The following FBXW8 variants were observed in gnomAD, a reference collection of about 807,000 sequenced individuals.
FBXW8 encodes the protein F-box and WD repeat domain containing 8.
In FBXW8, 57 loss-of-function variants were observed where a neutral mutation model predicts 65.3. The observed-to-expected ratio is 0.87, with a 90% CI of 0.71 to 1.09. The LOEUF is 1.09. FBXW8 is among the 50% of genes least tolerant of loss of function. The pLI, the probability that FBXW8 is intolerant of heterozygous loss-of-function variation, is 0.00. For synonymous variants in FBXW8, 308 were observed against 330.2 expected (o/e 0.93, Z 0.73); for missense variants, 777 against 814.8 (o/e 0.95, Z 0.57).
At chr12:116,969,269 A>G (rs1159152555) in intron 5 of FBXW8, among the ~76,000 whole-genome samples, 1 of 152,096 alleles carries the variant, frequency 6.6e-6, no homozygotes, top group Non-Finnish European at 1.5e-5. Context: ...TTCCTTTTTT[A>G]GAGCCCTTGT....
Position 116,953,154 on chromosome 12 carries a change from T to C in FBXW8, c.677+3448T>C, listed in dbSNP as rs11068259. Reference sequence around the variant, plus strand: ...GACTCCCCTTGTCCCCTGCCACCTATATATGATGTTATATGGGAAACTAGA... The same window carrying C: ...GACTCCCCTTGTCCCCTGCCACCTACATATGATGTTATATGGGAAACTAGA... On this transcript the variant is annotated intron_variant, in intron 4 of 10. Coordinates refer to ENST00000652555, the MANE Select transcript of FBXW8 (RefSeq NM_153348.3). Among the ~76,000 whole-genome samples the C allele has an allele frequency of 5.6e-3, 853 of 152,368 alleles. 4 individuals are homozygous for C. Among genetic ancestry groups the C allele is most frequent in the East Asian group, 0.048 (251 of 5,190 alleles).
At chr12:116,913,170 T>C (rs7133142) in intron 1 of FBXW8, among the ~76,000 whole-genome samples, 10,833 of 152,278 alleles carry the variant, frequency 0.071, 1,005 homozygotes, top group African/African-American at 0.22. Flanking sequence ...TGATGACTGG[T>C]ATGATCAGGC....
intron 7 of FBXW8, among the ~76,000 whole-genome samples, chr12:117,008,723 TG>T (rs1953734431): frequency 6.6e-6 from 1 of 152,234 alleles, no homozygotes; most frequent in African/African-American, 2.4e-5. Context: ...AAGTGATAAA[TG>T]TATAGGCTGA....
rs749863935 is a variant in FBXW8, at chr12:116,949,673, A to T, written c.644A>T (p.Asp215Val). 8 of 1,614,186 alleles carry T rather than the reference A, an allele frequency of 5.0e-6. No homozygotes were observed. The highest frequency in any genetic ancestry group is 6.8e-6 in the Non-Finnish European group (8 of 1,180,034). ...LEHVPDTVLCDVHSHDGVVIA... is the reference protein window; with the variant it reads ...LEHVPDTVLCVVHSHDGVVIA... ...CATGTTCCTGACACAGTTTTGTGTG[A>T]TGTGCATTCTCACGATGGTGTGGTC... Residue 215 changes from aspartate to valine, a missense_variant, in exon 4 of 11, where the codon GAT becomes GTT. Asp to Val is a radical substitution (Grantham distance 152). Coordinates refer to ENST00000652555, the MANE Select transcript of FBXW8 (RefSeq NM_153348.3).
intron 5 of FBXW8, among the ~76,000 whole-genome samples, chr12:116,968,489 C>A (rs1057257432): frequency 6.6e-6 from 1 of 152,150 alleles, no homozygotes; most frequent in Admixed American, 6.5e-5. Context: ...CGTTTGCACA[C>A]CTGAATGGTA....
intron 8 of FBXW8, among the ~76,000 whole-genome samples, chr12:117,017,823 C>T (rs1341058318): frequency 6.6e-6 from 1 of 152,116 alleles, no homozygotes; most frequent in Non-Finnish European, 1.5e-5. Context: ...CGGTGTTCCT[C>T]ATTATCATAT....
chr12:116,996,883 G>T (rs1417417664), intron 7 of FBXW8, among the ~76,000 whole-genome samples: 3 of 152,126 alleles, frequency 2.0e-5, no homozygotes, highest in Non-Finnish European at 4.4e-5. Flanking sequence ...CTGCCTCAGG[G>T]ATTACAGCCT....
chr12:116,989,624 A>G (rs1436802213), intron 7 of FBXW8, among the ~76,000 whole-genome samples: 1 of 152,230 alleles, frequency 6.6e-6, no homozygotes, highest in Non-Finnish European at 1.5e-5. Flanking sequence ...TATCCTGACT[A>G]TAGGCCAAAT....
At chr12:116,919,473 G>A (rs1454990721) in intron 1 of FBXW8, among the ~76,000 whole-genome samples, 1 of 152,202 alleles carries the variant, frequency 6.6e-6, no homozygotes, top group Non-Finnish European at 1.5e-5. Flanking sequence ...ACTTAGCACT[G>A]AGCCTGGAGT....
rs1189547428 is a variant in FBXW8, at chr12:116,952,950, C to G, written c.677+3244C>G. On this transcript the variant is annotated intron_variant, in intron 4 of 10. Coordinates refer to ENST00000652555, the MANE Select transcript of FBXW8 (RefSeq NM_153348.3). ...ATGGGGTTTCACCATGTTGGCCAGG[C>G]TGGTCTCAAACCCCTGGCTTCAAGA... is the stretch of plus-strand genomic sequence containing the variant. Among the ~76,000 whole-genome samples the G allele has an allele frequency of 2.0e-5, 3 of 152,144 alleles. No individual in the cohort carries two copies. The East Asian group carries it at 5.8e-4, about 29-fold the overall frequency.
At position 116,945,347 on chromosome 12, in the gene FBXW8, C is replaced by A. The variant is rs941551112; in HGVS notation, c.424-17C>A. 1.9e-6 allele frequency: 3 copies of A among 1,593,518 alleles called. No individual in the cohort carries two copies. The highest frequency in any genetic ancestry group is 3.4e-5 in the Admixed American group (2 of 58,302). ...TAATTGCAGAATTTGACATTTGTGTCACTTCTGCTGTTTTAGGTGAGCAAG... is the reference window on the plus strand; with the variant it reads ...TAATTGCAGAATTTGACATTTGTGTAACTTCTGCTGTTTTAGGTGAGCAAG... On this transcript the variant is annotated splice_polypyrimidine_tract_variant and intron_variant, in intron 2 of 10. Coordinates refer to ENST00000652555, the MANE Select transcript of FBXW8 (RefSeq NM_153348.3).
At chr12:116,969,116 C>T (rs1057290924) in intron 5 of FBXW8, among the ~76,000 whole-genome samples, 3 of 152,126 alleles carry the variant, frequency 2.0e-5, no homozygotes, top group African/African-American at 7.2e-5. Flanking sequence ...TCAAGCTTGT[C>T]AGTCTTGTCC....
chr12:117,000,076 G>A (rs1368345207), intron 7 of FBXW8, among the ~76,000 whole-genome samples: 2 of 151,566 alleles, frequency 1.3e-5, no homozygotes, highest in East Asian at 3.9e-4. Flanking sequence ...CCGCCTCCCG[G>A]GTTCTCGCCA....
chr12:117,015,648 A>C (rs1039249722), intron 8 of FBXW8, among the ~76,000 whole-genome samples: 3 of 152,196 alleles, frequency 2.0e-5, no homozygotes, highest in South Asian at 2.1e-4. Context: ...AGCAAATTCC[A>C]GTGTTTTCCC....
chr12:117,011,925 C>A (rs188208773), intron 8 of FBXW8, among the ~76,000 whole-genome samples: 1 of 152,288 alleles, frequency 6.6e-6, no homozygotes, highest in East Asian at 1.9e-4. Flanking sequence ...AAGCCAAGTA[C>A]TATGTTGAAT....
At chr12:116,939,520 A>G (rs1055578980) in intron 2 of FBXW8, among the ~76,000 whole-genome samples, 1 of 152,200 alleles carries the variant, frequency 6.6e-6, no homozygotes, top group Non-Finnish European at 1.5e-5. Flanking sequence ...GTGTTGTTCT[A>G]CTGAATATGC....
At position 117,029,133 on chromosome 12, in the gene FBXW8, C is replaced by CA. The variant is rs1168844504; in HGVS notation, c.*964dup. On this transcript the variant is annotated 3_prime_UTR_variant, in exon 11 of 11. Transcript: ENST00000652555. ...GATCCAGTAGATGCGTATGGAATTT[C>CA]AAATACACATAGACGATGCACAAAA... 6.6e-6 allele frequency: 1 copy of CA among 152,292 alleles called. No homozygotes were observed. The highest frequency in any genetic ancestry group is 1.9e-4 in the East Asian group (1 of 5,178). 9.4% of individuals were successfully genotyped at this position (152,292 alleles called of 1,614,324 possible).
chr12:116,937,211 G>A (rs1882227557), intron 2 of FBXW8, among the ~76,000 whole-genome samples: 1 of 152,176 alleles, frequency 6.6e-6, no homozygotes, highest in Non-Finnish European at 1.5e-5. Context: ...GCATGTGTGG[G>A]TATGGGGGAA....
chr12:116,964,863 C>T lies in FBXW8; in HGVS notation c.835+9C>T. The T allele has an allele frequency of 2.5e-6, 4 of 1,583,400 alleles. No homozygotes were observed. Among genetic ancestry groups the T allele is most frequent in the Non-Finnish European group, 3.4e-6 (4 of 1,167,810 alleles). On this transcript the variant is annotated intron_variant, in intron 5 of 10. Coordinates refer to ENST00000652555, the MANE Select transcript of FBXW8 (RefSeq NM_153348.3). ...AGCAGCTTATGAGGATGGTAAGTAACCACAACCCTCCTCCCTATTAAGGAA... is the reference window on the plus strand; with the variant it reads ...AGCAGCTTATGAGGATGGTAAGTAATCACAACCCTCCTCCCTATTAAGGAA...
Sources: gnomAD v4.1 joint callset for allele counts (sites outside exome capture counted in the v4.1 genomes callset) on GRCh38, gnomAD v4.1.1 for gene constraint, MANE v1.5 for transcripts, NCBI Gene and HGNC (gene_info 2026-07-23, HGNC 2026-07-21) for gene names.